MAN1A1: variants seen among roughly 807,000 people sequenced by gnomAD.
The protein encoded by MAN1A1 is mannosidase alpha class 1A member 1, also known as mannosyl-oligosaccharide 1,2-alpha-mannosidase IA.
MAN1A1 carries 29 observed loss-of-function variants against 70.8 expected under a neutral mutation model. The observed-to-expected ratio is 0.41, with a 90% CI of 0.31 to 0.56. The LOEUF is 0.56. Among genes scored for constraint, MAN1A1 ranks in the 20% least tolerant of loss-of-function variants. The pLI is 0.29. For missense variants in MAN1A1, 747 were observed against 841.3 expected, an observed-to-expected ratio of 0.89 and a Z score of 1.39; for synonymous variants, 349 against 330.1, an observed-to-expected ratio of 1.06 and a Z score of -0.62.
At chr6:119,291,552 CCTT>C (rs1003634474) in intron 4 of MAN1A1, among the ~76,000 whole-genome samples, 1 of 151,530 alleles carries the variant, frequency 6.6e-6, no homozygotes, top group Admixed American at 6.6e-5. Flanking sequence ...TCTGCATTCT[CCTT>C]TATTTTATTC....
chr6:119,287,032 C>T (rs1776393492), intron 5 of MAN1A1, among the ~76,000 whole-genome samples: 1 of 152,034 alleles, frequency 6.6e-6, no homozygotes, highest in Non-Finnish European at 1.5e-5. Flanking sequence ...GGATATGAAT[C>T]CAAACTTTGA....
intron 8 of MAN1A1, among the ~76,000 whole-genome samples, chr6:119,199,388 C>A (rs984999710): frequency 8.5e-5 from 13 of 152,140 alleles, no homozygotes; most frequent in Non-Finnish European, 1.0e-4. Context: ...AAGTGGCTAG[C>A]TCAGCTTGCA....
intron 4 of MAN1A1, among the ~76,000 whole-genome samples, chr6:119,296,622 T>C (rs186050566): frequency 2.8e-4 from 42 of 152,254 alleles, no homozygotes; most frequent in African/African-American, 1.0e-3. Context: ...AGTCAACATA[T>C]ATCCTCCTGA....
At chr6:119,234,747 A>G (rs542038766) in intron 6 of MAN1A1, among the ~76,000 whole-genome samples, 1 of 152,168 alleles carries the variant, frequency 6.6e-6, no homozygotes, top group Non-Finnish European at 1.5e-5. Flanking sequence ...TTATACATTT[A>G]AAAAATTTAC....
At chr6:119,249,651 TGGCTTCTCCAGAGGGAAG>T (rs1470257974) in intron 5 of MAN1A1, among the ~76,000 whole-genome samples, 1 of 152,174 alleles carries the variant, frequency 6.6e-6, no homozygotes. Flanking sequence ...AAGTCACGTG[TGGCTTCTCCAGAGGGAAG>T]GGCTTCAGTG....
At chr6:119,216,035 C>G (rs1774191550) in intron 6 of MAN1A1, among the ~76,000 whole-genome samples, 1 of 152,100 alleles carries the variant, frequency 6.6e-6, no homozygotes, top group Non-Finnish European at 1.5e-5. Flanking sequence ...CATGAGTCTG[C>G]AAAGTGTGAA....
At chr6:119,243,616 C>A (rs1011778933) in intron 6 of MAN1A1, among the ~76,000 whole-genome samples, 1 of 152,064 alleles carries the variant, frequency 6.6e-6, no homozygotes, top group African/African-American at 2.4e-5. Context: ...CTAGGATAAT[C>A]TTTCACTATT....
intron 6 of MAN1A1, among the ~76,000 whole-genome samples, chr6:119,216,300 C>T (rs1386983536): frequency 6.6e-6 from 1 of 152,086 alleles, no homozygotes; most frequent in Non-Finnish European, 1.5e-5. Context: ...GGCAAGCAAG[C>T]AAATGATTGT....
At chr6:119,315,355 A>AT (rs1772820068) in intron 2 of MAN1A1, among the ~76,000 whole-genome samples, 1 of 152,266 alleles carries the variant, frequency 6.6e-6, no homozygotes, top group South Asian at 2.1e-4. Flanking sequence ...CTTTAGAAAA[A>AT]GAGTCAGAAT....
At chr6:119,262,130 T>C (rs1181926395) in intron 5 of MAN1A1, among the ~76,000 whole-genome samples, 2 of 152,128 alleles carry the variant, frequency 1.3e-5, no homozygotes, top group Admixed American at 6.5e-5. Flanking sequence ...AGAATCAAGG[T>C]GCAAAAGAAA....
At chr6:119,183,169 C>T (rs1773196692) in intron 11 of MAN1A1, among the ~76,000 whole-genome samples, 1 of 152,132 alleles carries the variant, frequency 6.6e-6, no homozygotes, top group South Asian at 2.1e-4. Flanking sequence ...AGCAGAGAGA[C>T]TATGAGGAGA....
At chr6:119,326,959 C>G (rs1049764624) in intron 2 of MAN1A1, among the ~76,000 whole-genome samples, 1 of 152,214 alleles carries the variant, frequency 6.6e-6, no homozygotes, top group Admixed American at 6.5e-5. Flanking sequence ...ACACTGTACA[C>G]ATACATAGTA....
At chr6:119,295,044 T>C (rs1054790451) in intron 4 of MAN1A1, among the ~76,000 whole-genome samples, 12 of 152,112 alleles carry the variant, frequency 7.9e-5, no homozygotes, top group African/African-American at 2.9e-4. Context: ...GAGTCTAATA[T>C]ATAAATTATT....
intron 2 of MAN1A1, among the ~76,000 whole-genome samples, chr6:119,337,142 G>A (rs1439177301): frequency 4.0e-5 from 6 of 151,882 alleles, no homozygotes; most frequent in Non-Finnish European, 2.9e-5. Context: ...ATAAGAAAAT[G>A]AATGCAGTTT....
intron 2 of MAN1A1, among the ~76,000 whole-genome samples, chr6:119,335,781 G>T (rs195078): frequency 0.52 from 78,658 of 152,052 alleles, 20,641 homozygotes; most frequent in Admixed American, 0.57. Context: ...AATCCTAAAC[G>T]ACATGTGTTC....
intron 6 of MAN1A1, among the ~76,000 whole-genome samples, chr6:119,209,095 A>G (rs1251575156): frequency 2.6e-5 from 4 of 151,698 alleles, no homozygotes; most frequent in Admixed American, 1.3e-4. Flanking sequence ...CGTCTCAAAA[A>G]AAAAAAAAAA....
intron 2 of MAN1A1, among the ~76,000 whole-genome samples, chr6:119,308,572 T>C (rs1051939116): frequency 1.3e-5 from 2 of 152,198 alleles, no homozygotes; most frequent in Non-Finnish European, 2.9e-5. Flanking sequence ...TCGTGGTATA[T>C]GTTTTTGCAC....
chr6:119,318,507 T>C (rs1220169220), intron 2 of MAN1A1, among the ~76,000 whole-genome samples: 2 of 152,260 alleles, frequency 1.3e-5, no homozygotes, highest in Non-Finnish European at 2.9e-5. Flanking sequence ...GTGTTACTCA[T>C]GTGCTGTTGA....
chr6:119,217,890 A>C (rs1463077231), intron 6 of MAN1A1, among the ~76,000 whole-genome samples: 2 of 152,218 alleles, frequency 1.3e-5, no homozygotes, highest in African/African-American at 4.8e-5. Context: ...CATTGTATAC[A>C]TTACTTAGCA....
Sources: gnomAD v4.1 joint callset for allele counts (sites outside exome capture counted in the v4.1 genomes callset) on GRCh38, gnomAD v4.1.1 for gene constraint, MANE v1.5 for transcripts, NCBI Gene and HGNC (gene_info 2026-07-23, HGNC 2026-07-21) for gene names.